Variants in LHFPL3 observed in about 807,000 individuals in gnomAD.
LHFPL3 encodes LHFPL tetraspan subfamily member 3 protein.
A neutral mutation model predicts 19.3 loss-of-function variants in LHFPL3; 5 were observed. The observed-to-expected ratio is 0.26, with a 90% CI of 0.14 to 0.54. The LOEUF (loss-of-function observed/expected upper bound fraction) is 0.54. Among genes scored for constraint, LHFPL3 ranks in the 20% least tolerant of loss-of-function variants. The pLI, the probability that LHFPL3 is intolerant of heterozygous loss-of-function variation, is 0.94. For synonymous variants in LHFPL3, 133 were observed against 126.2 expected, an observed-to-expected ratio of 1.05 and a Z score of -0.36; for missense variants, 249 against 307.4, an observed-to-expected ratio of 0.81 and a Z score of 1.42.
intron 1 of LHFPL3, among the ~76,000 whole-genome samples, chr7:104,568,365 C>T (rs765656077): frequency 6.6e-6 from 1 of 152,178 alleles, no homozygotes; most frequent in Non-Finnish European, 1.5e-5. Context: ...CCCTTGAAGG[C>T]AGGGACCAAG....
At chr7:104,625,769 A>AATTTTTACG (rs1791532317) in intron 1 of LHFPL3, among the ~76,000 whole-genome samples, 1 of 152,164 alleles carries the variant, frequency 6.6e-6, no homozygotes, top group Non-Finnish European at 1.5e-5. Context: ...TTCAAGGAGA[A>AATTTTTACG]ATTTTTACGA....
intron 1 of LHFPL3, among the ~76,000 whole-genome samples, chr7:104,587,340 A>G (rs932472378): frequency 4.6e-5 from 7 of 152,098 alleles, no homozygotes; most frequent in South Asian, 2.1e-4. Context: ...TCATTGTTCA[A>G]TTCCGACGTA....
intron 1 of LHFPL3, among the ~76,000 whole-genome samples, chr7:104,623,615 G>A (rs946647747): frequency 6.6e-6 from 1 of 152,234 alleles, no homozygotes; most frequent in African/African-American, 2.4e-5. Flanking sequence ...GGGCAACAGA[G>A]TGTGAGACTC....
chr7:104,718,392 C>T (rs929101031), intron 1 of LHFPL3, among the ~76,000 whole-genome samples: 4 of 152,228 alleles, frequency 2.6e-5, no homozygotes, highest in African/African-American at 7.2e-5. Flanking sequence ...TATTTCCAAA[C>T]GGGTCTTTTG....
chr7:104,532,284 T>C (rs1351566688), intron 1 of LHFPL3, among the ~76,000 whole-genome samples: 1 of 117,426 alleles, frequency 8.5e-6, no homozygotes, highest in Non-Finnish European at 1.9e-5. Flanking sequence ...GCTTGGCTAA[T>C]GTTTTTTTTT....
chr7:104,399,636 A>ATTT lies in LHFPL3; in HGVS notation c.445+70427_445+70429dup, dbSNP rs1196165566. On this transcript the variant is annotated intron_variant, in intron 1 of 2. Transcript: ENST00000424859. This position sits in a 1 kb window ranked among gnomAD's most constrained non-coding sequence, Gnocchi z 4.4. ...GCCACCACACCGGGCTAAGTTTTGC[A>ATTT]TTTTTTTTTTTTTTTTTGGTAGAGA... Among the ~76,000 whole-genome samples the ATTT allele has an allele frequency of 5.7e-5, 7 of 123,034 alleles. No individual in the cohort carries two copies. Among genetic ancestry groups the ATTT allele is most frequent in the African/African-American group, 1.8e-4 (6 of 33,108 alleles). 80.7% of individuals were successfully genotyped at this position (123,034 alleles called of 152,430 possible).
chr7:104,669,033 C>A lies in LHFPL3; in HGVS notation c.446-67642C>A, dbSNP rs539039646. On this transcript the variant is annotated intron_variant, in intron 1 of 2. Coordinates refer to ENST00000424859, the MANE Select transcript of LHFPL3 (RefSeq NM_199000.3). ...AGTCATCACAGACTGGGACCTCCAC[C>A]ACATCTGGCAGAAATGCATGAAGGA... 1.5e-4 allele frequency: 239 copies of A among 1,612,056 alleles called. 1 individual carries two copies. Among genetic ancestry groups the A allele is most frequent in the Non-Finnish European group, 1.7e-4 (205 of 1,179,770 alleles).
chr7:104,591,549 T>A (rs1407451741), intron 1 of LHFPL3, among the ~76,000 whole-genome samples: 1 of 152,200 alleles, frequency 6.6e-6, no homozygotes, highest in Non-Finnish European at 1.5e-5. Context: ...CCCTTAACAT[T>A]TTTTCCTTCA....
intron 1 of LHFPL3, among the ~76,000 whole-genome samples, chr7:104,414,492 A>T (rs907261391): frequency 5.3e-5 from 8 of 152,234 alleles, no homozygotes; most frequent in Admixed American, 5.2e-4. Flanking sequence ...GAACTCTGAA[A>T]TGAAACACAG....
intron 1 of LHFPL3, among the ~76,000 whole-genome samples, chr7:104,615,233 G>A (rs1483979762): frequency 1.3e-5 from 2 of 152,184 alleles, no homozygotes; most frequent in Non-Finnish European, 2.9e-5. Flanking sequence ...TTACAAAGAT[G>A]ATTTAGAGAA....
intron 1 of LHFPL3, among the ~76,000 whole-genome samples, chr7:104,639,246 T>C (rs1791785639): frequency 6.6e-6 from 1 of 152,196 alleles, no homozygotes; most frequent in African/African-American, 2.4e-5. Context: ...ACTCATTCAA[T>C]TTCAGAGTTC....
chr7:104,638,513 A>G (rs1791770741), intron 1 of LHFPL3, among the ~76,000 whole-genome samples: 1 of 152,062 alleles, frequency 6.6e-6, no homozygotes, highest in South Asian at 2.1e-4. Context: ...TCAGTATGAT[A>G]TTGACTGTGT....
intron 1 of LHFPL3, among the ~76,000 whole-genome samples, chr7:104,370,318 G>A (rs190500990): frequency 6.6e-6 from 1 of 152,252 alleles, no homozygotes; most frequent in Admixed American, 6.5e-5. Context: ...TGCACCGACT[G>A]GATAAGGAAG....
At chr7:104,695,439 CT>C (rs35888757) in intron 1 of LHFPL3, among the ~76,000 whole-genome samples, 1 of 152,112 alleles carries the variant, frequency 6.6e-6, no homozygotes, top group Non-Finnish European at 1.5e-5. Flanking sequence ...GGTATATAAC[CT>C]TTTTTGTTGG....
At chr7:104,494,865 C>A (rs1021207243) in intron 1 of LHFPL3, among the ~76,000 whole-genome samples, 3 of 152,038 alleles carry the variant, frequency 2.0e-5, no homozygotes, top group African/African-American at 4.8e-5. Flanking sequence ...TTCACACAAC[C>A]CCCAGCTGGG....
At chr7:104,365,089 C>T (rs545842693) in intron 1 of LHFPL3, among the ~76,000 whole-genome samples, 2 of 151,964 alleles carry the variant, frequency 1.3e-5, no homozygotes, top group East Asian at 2.0e-4. Context: ...CACCTGAGGT[C>T]GAGATTTCGA....
At chr7:104,474,381 T>A (rs1476932064) in intron 1 of LHFPL3, among the ~76,000 whole-genome samples, 2 of 152,014 alleles carry the variant, frequency 1.3e-5, no homozygotes, top group Non-Finnish European at 2.9e-5. Context: ...AGAAAGGGTC[T>A]TGGCCGGGTG....
chr7:104,824,811 TATA>T (rs1195904223), intron 2 of LHFPL3, among the ~76,000 whole-genome samples: 11 of 125,886 alleles, frequency 8.7e-5, no homozygotes, highest in Admixed American at 4.1e-4. Flanking sequence ...AAAAAATATA[TATA>T]ATGATATATT....
At chr7:104,439,442 C>T (rs1395166336) in intron 1 of LHFPL3, among the ~76,000 whole-genome samples, 3 of 152,026 alleles carry the variant, frequency 2.0e-5, no homozygotes, top group Non-Finnish European at 4.4e-5. Flanking sequence ...TATATATACA[C>T]ATCATAACCT....
Sources: allele counts gnomAD v4.1 joint callset (sites outside exome capture counted in the v4.1 genomes callset), GRCh38; gene constraint gnomAD v4.1.1; non-coding constraint Gnocchi (gnomAD v3.1); transcripts MANE v1.5; gene names NCBI Gene and HGNC (gene_info 2026-07-23, HGNC 2026-07-21).